Variants in SRD5A2 observed in about 807,000 individuals in gnomAD.
The protein encoded by SRD5A2 is 3-oxo-5-alpha-steroid 4-dehydrogenase 2.
Under a neutral mutation model 27.4 loss-of-function variants are expected in SRD5A2, and 30 were observed. That is an observed-to-expected ratio of 1.10 (90% CI 0.82 to 1.49). The LOEUF is 1.49. Among genes scored for constraint, SRD5A2 ranks in the 40% most tolerant of loss-of-function variants. The pLI, the probability that SRD5A2 is intolerant of heterozygous loss-of-function variation, is 0.00. For missense variants in SRD5A2, 348 were observed against 323.4 expected (o/e 1.08, Z -0.58); for synonymous variants, 141 against 133.6 (o/e 1.06, Z -0.38).
intron 1 of SRD5A2, among the ~76,000 whole-genome samples, chr2:31,567,832 G>A (rs1666765773): frequency 6.6e-6 from 1 of 152,068 alleles, no homozygotes; most frequent in South Asian, 2.1e-4. Context: ...TATTGCTCAT[G>A]CCCACTGAGC....
Sources: allele counts gnomAD v4.1 joint callset (sites outside exome capture counted in the v4.1 genomes callset), GRCh38; gene constraint gnomAD v4.1.1; transcripts MANE v1.5; gene names NCBI Gene and HGNC (gene_info 2026-07-23, HGNC 2026-07-21).